Variants in PLXNA4 observed in about 807,000 individuals in gnomAD.
PLXNA4 encodes the protein plexin A4.
PLXNA4 carries 44 observed loss-of-function variants against 191.8 expected under a neutral mutation model. The ratio of observed to expected loss-of-function variants is 0.23; its 90% CI spans 0.18 to 0.29. The LOEUF (loss-of-function observed/expected upper bound fraction) is 0.29. Ranked by LOEUF, PLXNA4 falls within the 10% of genes least tolerant of loss-of-function variation. PLXNA4 has a pLI of 1.00. For synonymous variants in PLXNA4, 1,082 were observed against 1,009.5 expected, an observed-to-expected ratio of 1.07 and a Z score of -1.36; for missense variants, 1,800 against 2,488.8, an observed-to-expected ratio of 0.72 and a Z score of 5.89.
intron 20 of PLXNA4, 148 bp from the exon 21 acceptor site, chr7:132,175,068 T>C (rs1796413666): frequency 7.6e-7 from 1 of 1,311,410 alleles, no homozygotes; most frequent in Middle Eastern, 2.7e-4. Context: ...AGGCTATGTT[T>C]ACATAGCTGG....
intron 9 of PLXNA4, among the ~76,000 whole-genome samples, chr7:132,218,089 C>T (rs1043043560): frequency 2.0e-5 from 3 of 151,948 alleles, no homozygotes; most frequent in Admixed American, 6.5e-5. Flanking sequence ...CTGCTCCTGT[C>T]TCAGGGCATG....
At chr7:132,416,585 G>C (rs1038178860) in intron 3 of PLXNA4, among the ~76,000 whole-genome samples, 1 of 152,160 alleles carries the variant, frequency 6.6e-6, no homozygotes, top group Non-Finnish European at 1.5e-5. Flanking sequence ...TTTCCAACAC[G>C]TCTTCACACT....
At chr7:132,423,489 C>T (rs1398900457) in intron 3 of PLXNA4, among the ~76,000 whole-genome samples, 5 of 152,110 alleles carry the variant, frequency 3.3e-5, no homozygotes, top group African/African-American at 1.2e-4. Context: ...AGTCTGAGAG[C>T]AGGAAGTTGC....
intron 10 of PLXNA4, among the ~76,000 whole-genome samples, chr7:132,208,920 C>T (rs983436011): frequency 1.3e-5 from 2 of 152,196 alleles, no homozygotes; most frequent in Admixed American, 6.5e-5. Flanking sequence ...TTCACACCCA[C>T]GTTCGGGGAG....
chr7:132,285,379 A>G (rs999409108), intron 4 of PLXNA4, among the ~76,000 whole-genome samples: 4 of 152,222 alleles, frequency 2.6e-5, no homozygotes, highest in African/African-American at 9.6e-5. Context: ...AGAAGGATAT[A>G]TTCTCTACCT....
chr7:132,501,510 G>A (rs547015627), intron 2 of PLXNA4, among the ~76,000 whole-genome samples: 2 of 152,066 alleles, frequency 1.3e-5, no homozygotes, highest in African/African-American at 2.4e-5. Context: ...CTCCAGGGTG[G>A]GCATCCTGGG....
intron 3 of PLXNA4, among the ~76,000 whole-genome samples, chr7:132,300,664 T>C (rs1801270099): frequency 1.3e-5 from 2 of 152,138 alleles, no homozygotes; most frequent in South Asian, 2.1e-4. Flanking sequence ...GCAAAACCAA[T>C]TGGGATTACC....
chr7:132,198,765 A>T, intron 12 of PLXNA4, 129 bp from the exon 13 acceptor site: 1 of 1,420,378 alleles, frequency 7.0e-7, no homozygotes, highest in Non-Finnish European at 9.4e-7. Context: ...GAAGTCACCA[A>T]GGGCACCCAA....
chr7:132,459,666 CA>C (rs1316964293), intron 3 of PLXNA4, among the ~76,000 whole-genome samples: 1 of 152,142 alleles, frequency 6.6e-6, no homozygotes, highest in Non-Finnish European at 1.5e-5. Context: ...GTTTCAACAC[CA>C]GCCCAAGCAG....
intron 9 of PLXNA4, among the ~76,000 whole-genome samples, chr7:132,212,862 G>A (rs1797847223): frequency 6.6e-6 from 1 of 152,124 alleles, no homozygotes; most frequent in East Asian, 1.9e-4. Context: ...ATCCTGAAGG[G>A]CAGCTGAAAG....
At chr7:132,485,722 G>A (rs976687004) in intron 3 of PLXNA4, among the ~76,000 whole-genome samples, 2 of 152,112 alleles carry the variant, frequency 1.3e-5, no homozygotes, top group Admixed American at 6.5e-5. Flanking sequence ...GTATTTATAG[G>A]TCATATTTCT....
intron 3 of PLXNA4, among the ~76,000 whole-genome samples, chr7:132,378,776 G>A (rs1294809783): frequency 2.0e-5 from 3 of 151,530 alleles, no homozygotes; most frequent in African/African-American, 2.4e-5. Context: ...GTATCAGGAG[G>A]TTCTGCTAGT....
intron 3 of PLXNA4, among the ~76,000 whole-genome samples, chr7:132,457,794 G>A (rs1796363573): frequency 1.3e-5 from 2 of 152,316 alleles, no homozygotes; most frequent in Middle Eastern, 3.4e-3. Context: ...ACAGAGGAAA[G>A]AGATTTAAAG....
chr7:132,605,950 G>A (rs1045686697), intron 2 of PLXNA4, among the ~76,000 whole-genome samples: 2 of 152,060 alleles, frequency 1.3e-5, no homozygotes, highest in Non-Finnish European at 2.9e-5. Flanking sequence ...GATCACTTGA[G>A]GCCAGGAGTT....
At chr7:132,642,166 T>C (rs954038353) in intron 2 of PLXNA4, among the ~76,000 whole-genome samples, 2 of 152,174 alleles carry the variant, frequency 1.3e-5, no homozygotes, top group Non-Finnish European at 2.9e-5. Flanking sequence ...ATTTCTTTCT[T>C]TAATTTTCTA....
intron 4 of PLXNA4, among the ~76,000 whole-genome samples, chr7:132,293,087 G>A (rs1800951831): frequency 6.6e-6 from 1 of 152,160 alleles, no homozygotes; most frequent in Admixed American, 6.5e-5. Flanking sequence ...ACAGGATGGG[G>A]CCAAGGGACC....
intron 3 of PLXNA4, among the ~76,000 whole-genome samples, chr7:132,457,153 T>C (rs1796343507): frequency 6.6e-6 from 1 of 152,252 alleles, no homozygotes; most frequent in Non-Finnish European, 1.5e-5. Flanking sequence ...TGTGTTAACA[T>C]GTTACGTGTA....
chr7:132,221,542 G>T (rs1036568745), intron 9 of PLXNA4, among the ~76,000 whole-genome samples: 1 of 152,190 alleles, frequency 6.6e-6, no homozygotes, highest in East Asian at 1.9e-4. Context: ...CACACCCTGA[G>T]ACAGGCCTGG....
At chr7:132,533,367 C>T (rs1334436936) in intron 1 of PLXNA4, among the ~76,000 whole-genome samples, 1 of 152,112 alleles carries the variant, frequency 6.6e-6, no homozygotes, top group Non-Finnish European at 1.5e-5. Flanking sequence ...AACTCAGGAA[C>T]TGGAGAGGTG....
Sources: allele counts gnomAD v4.1 joint callset (sites outside exome capture counted in the v4.1 genomes callset), GRCh38; gene constraint gnomAD v4.1.1; transcripts MANE v1.5; gene names NCBI Gene and HGNC (gene_info 2026-07-23, HGNC 2026-07-21).